RASA3: variants seen among roughly 807,000 people sequenced by gnomAD.
RASA3 encodes RAS p21 protein activator 3, also known as ras GTPase-activating protein 3.
Under a neutral mutation model 110.0 loss-of-function variants are expected in RASA3, and 73 were observed. The observed-to-expected ratio is 0.66, with a 90% CI of 0.55 to 0.81. The LOEUF (loss-of-function observed/expected upper bound fraction) is 0.81. RASA3 is among the 30% of genes least tolerant of loss of function. The pLI, the probability that RASA3 is intolerant of heterozygous loss-of-function variation, is 0.00. For missense variants in RASA3, 976 were observed against 1,113.2 expected, an observed-to-expected ratio of 0.88 and a Z score of 1.75; for synonymous variants, 500 against 451.4, an observed-to-expected ratio of 1.11 and a Z score of -1.37.
chr13:113,991,611 G>A (rs1283763311), intron 22 of RASA3, among the ~76,000 whole-genome samples: 2 of 152,126 alleles, frequency 1.3e-5, no homozygotes, highest in South Asian at 2.1e-4. Flanking sequence ...GGGCTTATCT[G>A]GATTGCTATT....
chr13:114,081,887 C>T (rs1489477952), intron 1 of RASA3, among the ~76,000 whole-genome samples: 1 of 152,192 alleles, frequency 6.6e-6, no homozygotes, highest in African/African-American at 2.4e-5. Flanking sequence ...TGCCCCGCAT[C>T]CAGGCTGCAT....
At chr13:114,109,447 A>G (rs1489408890) in intron 1 of RASA3, among the ~76,000 whole-genome samples, 1 of 152,144 alleles carries the variant, frequency 6.6e-6, no homozygotes, top group East Asian at 1.9e-4. Context: ...GCCTTTTACA[A>G]AATCCCAAGC....
chr13:114,105,301 T>C (rs2080118754), intron 1 of RASA3, among the ~76,000 whole-genome samples: 1 of 152,014 alleles, frequency 6.6e-6, no homozygotes, highest in African/African-American at 2.4e-5. Flanking sequence ...CAGGGTGCCA[T>C]GGACCCTGCA....
At position 114,027,465 on chromosome 13, in the gene RASA3, T is replaced by C. The variant is rs1274973902; in HGVS notation, c.531-4A>G. 3 of 1,607,016 alleles carry C rather than the reference T, an allele frequency of 1.9e-6. No individual in the cohort carries two copies. The highest frequency in any genetic ancestry group is 1.1e-5 in the South Asian group (1 of 90,906). ...TTTCGTCTTCTTTGCTTCTGATCTG[T>C]TATCAAGTGAGAAAGGATTGGGATT... On this transcript the variant is annotated splice_polypyrimidine_tract_variant and splice_region_variant and intron_variant, in intron 6 of 23. Transcript: ENST00000334062.
intron 18 of RASA3, among the ~76,000 whole-genome samples, chr13:114,002,519 A>G (rs1185419710): frequency 6.6e-6 from 1 of 152,180 alleles, no homozygotes; most frequent in Admixed American, 6.5e-5. Context: ...GAGCTCCACG[A>G]CATGCCGGCC....
intron 1 of RASA3, among the ~76,000 whole-genome samples, chr13:114,077,421 C>T (rs748568064): frequency 1.3e-5 from 2 of 148,842 alleles, no homozygotes; most frequent in Admixed American, 6.9e-5. Flanking sequence ...CCCTGCCTGA[C>T]GATGCCCAGT....
intron 1 of RASA3, among the ~76,000 whole-genome samples, chr13:114,121,529 T>C (rs2080377462): frequency 6.6e-6 from 1 of 152,030 alleles, no homozygotes; most frequent in Non-Finnish European, 1.5e-5. Context: ...GGTCCCAGGG[T>C]CATGGGTGTG....
At chr13:114,079,830 C>A (rs1220084207) in intron 1 of RASA3, among the ~76,000 whole-genome samples, 1 of 152,098 alleles carries the variant, frequency 6.6e-6, no homozygotes, top group Non-Finnish European at 1.5e-5. Context: ...CCCGTCCGCA[C>A]TGGCCTCCCC....
At chr13:114,119,506 C>T (rs987563685) in intron 1 of RASA3, among the ~76,000 whole-genome samples, 16 of 111,840 alleles carry the variant, frequency 1.4e-4, no homozygotes, top group South Asian at 3.1e-4. Flanking sequence ...TCCAGCCAGG[C>T]GTCGATCAGT....
At chr13:114,069,482 G>A (rs893333855) in intron 2 of RASA3, among the ~76,000 whole-genome samples, 378 of 16,138 alleles carry the variant, frequency 0.023, no homozygotes, top group East Asian at 0.027. Flanking sequence ...TCGGGGGCCG[G>A]GAGACTCGGG....
intron 4 of RASA3, chr13:114,036,121 A>G (rs1594363402): frequency 6.6e-6 from 1 of 152,234 alleles, no homozygotes; most frequent in Non-Finnish European, 1.5e-5. Flanking sequence ...CGCCCAGATC[A>G]CCGCGGATGC....
At chr13:114,080,987 TCGG>T (rs2079777923) in intron 1 of RASA3, among the ~76,000 whole-genome samples, 4 of 97,458 alleles carry the variant, frequency 4.1e-5, no homozygotes, top group African/African-American at 1.0e-4. Flanking sequence ...AGAGTGCCCC[TCGG>T]CAGAGGGCCG....
chr13:114,023,153 G>A (rs185646156), intron 8 of RASA3, among the ~76,000 whole-genome samples: 1 of 152,374 alleles, frequency 6.6e-6, no homozygotes, highest in East Asian at 1.9e-4. Context: ...CCCCTGGGAG[G>A]GAGGGTGACC....
intron 1 of RASA3, among the ~76,000 whole-genome samples, chr13:114,109,386 C>T (rs2080185096): frequency 1.3e-5 from 2 of 152,216 alleles, no homozygotes; most frequent in African/African-American, 4.8e-5. Context: ...TGTTCACAGC[C>T]TCCTCTTGCC....
chr13:114,073,935 C>T, intron 1 of RASA3, 98 bp from the exon 2 acceptor site: 1 of 1,049,386 alleles, frequency 9.5e-7, no homozygotes, highest in Non-Finnish European at 1.5e-6. Context: ...TGTGCATTCA[C>T]TAGCTCTCTA....
chr13:114,045,864 T>C (rs889884187), intron 3 of RASA3, among the ~76,000 whole-genome samples: 5 of 152,214 alleles, frequency 3.3e-5, no homozygotes, highest in Admixed American at 2.6e-4. Context: ...GGGAAATAAA[T>C]GTTTTTAAAT....
chr13:114,033,294 G>A (rs371542615), intron 4 of RASA3, among the ~76,000 whole-genome samples: 5 of 59,572 alleles, frequency 8.4e-5, no homozygotes, highest in Non-Finnish European at 1.2e-4. Context: ...CTGACAACAC[G>A]CCCCACGGCA....
intron 2 of RASA3, among the ~76,000 whole-genome samples, chr13:114,066,509 C>A (rs2079452360): frequency 6.6e-6 from 1 of 152,204 alleles, no homozygotes; most frequent in Admixed American, 6.5e-5. Flanking sequence ...CAGGCCCAGC[C>A]TCTCCCTGCA....
chr13:114,041,167 G>C (rs1374452959), intron 3 of RASA3, 73 bp from the exon 4 acceptor site: 14 of 1,264,532 alleles, frequency 1.1e-5, no homozygotes, highest in East Asian at 2.3e-5. Flanking sequence ...GCAGAAGCCA[G>C]CCCATCATCA....
Sources: allele counts gnomAD v4.1 joint callset (sites outside exome capture counted in the v4.1 genomes callset), GRCh38; gene constraint gnomAD v4.1.1; transcripts MANE v1.5; gene names NCBI Gene and HGNC (gene_info 2026-07-23, HGNC 2026-07-21).